Variants in UST observed in about 807,000 individuals in gnomAD.
The protein encoded by UST is uronyl 2-sulfotransferase.
A neutral mutation model predicts 45.6 loss-of-function variants in UST; 21 were observed. The ratio of observed to expected loss-of-function variants is 0.46; its 90% CI spans 0.33 to 0.66. The LOEUF is 0.66. Ranked by LOEUF, UST falls within the 30% of genes least tolerant of loss-of-function variation. The probability of loss-of-function intolerance (pLI) is 0.02; values close to 1 mark genes in which losing one functional copy is unlikely to be tolerated. For missense variants in UST, 463 were observed against 512.4 expected, an observed-to-expected ratio of 0.90 and a Z score of 0.93; for synonymous variants, 215 against 200.6, an observed-to-expected ratio of 1.07 and a Z score of -0.61.
intron 7 of UST, among the ~76,000 whole-genome samples, chr6:149,050,092 C>T (rs554049873): frequency 1.3e-5 from 2 of 152,234 alleles, no homozygotes; most frequent in Admixed American, 6.5e-5. Flanking sequence ...ATATGAACTA[C>T]GGTACAAACA....
intron 2 of UST, among the ~76,000 whole-genome samples, chr6:148,915,709 G>T (rs1779576265): frequency 6.6e-6 from 1 of 152,196 alleles, no homozygotes; most frequent in African/African-American, 2.4e-5. Context: ...ATCTTGGAAA[G>T]AAAAGATTGG....
At position 148,747,659 on chromosome 6, in the gene UST, G is replaced by A. The variant is rs752103505; in HGVS notation, c.229G>A (p.Asp77Asn). ...LSGGPPRFLL[D>N]LRQYLGNSTY... The stretch of plus-strand genomic sequence containing the variant: ...CGGGGGACCCCCTCGCTTCCTGCTC[G>A]ACCTGCGGCAGTACTTGGGTAAGGA... Residue 77 changes from aspartate (D) to asparagine (N), a missense_variant, in exon 1 of 8, where the codon GAC (aspartate) becomes AAC (asparagine). Physicochemically the swap from Asp to Asn is conservative, Grantham distance 23. Transcript: ENST00000367463. The A allele has an allele frequency of 1.3e-6, 2 of 1,599,930 alleles. No individual in the cohort carries two copies. The highest frequency in any genetic ancestry group is 1.7e-6 in the Non-Finnish European group (2 of 1,174,782).
chr6:148,936,573 CTTTTTTTTTTTTTTTTTTT>C (rs138494669), intron 2 of UST, among the ~76,000 whole-genome samples: 1 of 85,336 alleles, frequency 1.2e-5, no homozygotes, highest in Non-Finnish European at 2.2e-5. Context: ...AAAATCAGTC[CTTTTTTTTTTTTTTTTTTT>C]TTTTTTTTTG....
At chr6:148,897,842 T>C (rs1310978708) in intron 2 of UST, among the ~76,000 whole-genome samples, 1 of 152,178 alleles carries the variant, frequency 6.6e-6, no homozygotes, top group Non-Finnish European at 1.5e-5. Flanking sequence ...CAGATACGAA[T>C]CTCTTACCTT....
chr6:148,989,993 A>T (rs1781316726), intron 5 of UST, among the ~76,000 whole-genome samples: 1 of 152,240 alleles, frequency 6.6e-6, no homozygotes, highest in Admixed American at 6.5e-5. Context: ...GGAATCTCAC[A>T]TTTAAGTACA....
At chr6:148,920,607 C>A (rs183334674) in intron 2 of UST, among the ~76,000 whole-genome samples, 4,426 of 152,230 alleles carry the variant, frequency 0.029, 226 homozygotes, top group African/African-American at 0.1. Context: ...TGGCTCACTG[C>A]AATCTCAACC....
At chr6:148,771,951 C>A (rs1776436369) in intron 1 of UST, among the ~76,000 whole-genome samples, 1 of 152,176 alleles carries the variant, frequency 6.6e-6, no homozygotes, top group South Asian at 2.1e-4. Flanking sequence ...AAGGAGATAT[C>A]TATTCGATCT....
chr6:148,966,937 C>T (rs1404923653), intron 5 of UST, among the ~76,000 whole-genome samples: 1 of 152,102 alleles, frequency 6.6e-6, no homozygotes, highest in African/African-American at 2.4e-5. Context: ...GGGGTTTCAC[C>T]ATGTTGGCCA....
intron 7 of UST, among the ~76,000 whole-genome samples, chr6:149,054,967 G>A (rs925011094): frequency 5.9e-5 from 9 of 152,094 alleles, no homozygotes; most frequent in Non-Finnish European, 1.2e-4. Flanking sequence ...TAAGACTCAT[G>A]GTTTATCGCA....
intron 6 of UST, among the ~76,000 whole-genome samples, chr6:149,020,111 C>G (rs1171010144): frequency 6.6e-6 from 1 of 152,216 alleles, no homozygotes; most frequent in African/African-American, 2.4e-5. Context: ...AGAACTGCTA[C>G]TTCTACACCG....
chr6:148,816,967 A>G (rs1279424913), intron 1 of UST, among the ~76,000 whole-genome samples: 2 of 152,164 alleles, frequency 1.3e-5, no homozygotes, highest in African/African-American at 4.8e-5. Context: ...TAAATTTGGC[A>G]CTGTAAGAGT....
At chr6:149,016,636 A>T (rs1358003266) in intron 5 of UST, among the ~76,000 whole-genome samples, 1 of 152,196 alleles carries the variant, frequency 6.6e-6, no homozygotes, top group Non-Finnish European at 1.5e-5. Flanking sequence ...GCAGCTCTGG[A>T]GAAGCAGCAG....
rs1195878764 is a variant in UST at position 148,796,797 on chromosome 6, CTTTT to C, written c.247+49140_247+49143del. Among the ~76,000 whole-genome samples, 129 of 72,066 alleles carry C rather than the reference CTTTT, an allele frequency of 1.8e-3. 1 individual carries two copies. The highest frequency in any genetic ancestry group is 2.9e-3 in the African/African-American group (51 of 17,758). The allele number at this position is 72,066 out of a possible 152,430, so 47.3% of individuals were successfully genotyped here. On this transcript the variant is annotated intron_variant, in intron 1 of 7. Coordinates refer to ENST00000367463, the MANE Select transcript of UST (RefSeq NM_005715.3). ...TAAAAACCAACTTTCTCTGATAATT[CTTTT>C]TTTTTTTTTTTTTTTTTTTGAGATG... is the stretch of plus-strand genomic sequence containing the variant.
chr6:148,884,364 A>G (rs1024564046), intron 1 of UST, among the ~76,000 whole-genome samples: 28 of 152,326 alleles, frequency 1.8e-4, no homozygotes, highest in African/African-American at 6.0e-4. Flanking sequence ...AAGCTTGTAC[A>G]CTAGCTGAAA....
At chr6:148,993,280 G>A (rs1223354935) in intron 5 of UST, among the ~76,000 whole-genome samples, 1 of 152,116 alleles carries the variant, frequency 6.6e-6, no homozygotes, top group Non-Finnish European at 1.5e-5. Flanking sequence ...GTGACCCTGG[G>A]CTGGGGGCCA....
chr6:148,771,773 G>A (rs1776431966), intron 1 of UST, among the ~76,000 whole-genome samples: 1 of 152,180 alleles, frequency 6.6e-6, no homozygotes, highest in Non-Finnish European at 1.5e-5. Context: ...ATTATAACAT[G>A]TACCTGAAAT....
intron 5 of UST, among the ~76,000 whole-genome samples, chr6:148,968,764 T>C (rs1287742044): frequency 6.6e-6 from 1 of 152,242 alleles, no homozygotes; most frequent in Non-Finnish European, 1.5e-5. Context: ...ATTTTCACCC[T>C]GCTGGTTACA....
intron 7 of UST, among the ~76,000 whole-genome samples, chr6:149,064,658 G>C (rs1474505573): frequency 6.6e-6 from 1 of 152,164 alleles, no homozygotes; most frequent in Non-Finnish European, 1.5e-5. Context: ...ATGAAAGCCT[G>C]AATTTTAGAA....
At chr6:148,793,818 A>C (rs1324733250) in intron 1 of UST, among the ~76,000 whole-genome samples, 1 of 152,154 alleles carries the variant, frequency 6.6e-6, no homozygotes, top group Admixed American at 6.5e-5. Context: ...TTTTGGCTGC[A>C]GTTTGTTCAA....
Sources: allele counts gnomAD v4.1 joint callset (sites outside exome capture counted in the v4.1 genomes callset), GRCh38; gene constraint gnomAD v4.1.1; transcripts MANE v1.5; gene names NCBI Gene and HGNC (gene_info 2026-07-23, HGNC 2026-07-21).